MDGA2: variants seen among roughly 807,000 people sequenced by gnomAD.
The protein encoded by MDGA2 is MAM domain containing glycosylphosphatidylinositol anchor 2, also known as MAM domain-containing glycosylphosphatidylinositol anchor protein 2.
Under a neutral mutation model 117.8 loss-of-function variants are expected in MDGA2, and 40 were observed. That is an observed-to-expected ratio of 0.34 (90% CI 0.26 to 0.44). The LOEUF (loss-of-function observed/expected upper bound fraction) is 0.44. Ranked by LOEUF, MDGA2 falls within the 20% of genes least tolerant of loss-of-function variation. The pLI is 1.00. For synonymous variants in MDGA2, 452 were observed against 439.0 expected, an observed-to-expected ratio of 1.03 and a Z score of -0.37; for missense variants, 1,123 against 1,250.6, an observed-to-expected ratio of 0.90 and a Z score of 1.54.
At chr14:46,920,937 T>C (rs1317532467) in intron 9 of MDGA2, among the ~76,000 whole-genome samples, 1 of 152,184 alleles carries the variant, frequency 6.6e-6, no homozygotes, top group Non-Finnish European at 1.5e-5. Flanking sequence ...TTTAGATTTT[T>C]AAAGAAATGT....
intron 3 of MDGA2, among the ~76,000 whole-genome samples, chr14:47,177,612 G>T (rs1202404109): frequency 6.6e-6 from 1 of 152,120 alleles, no homozygotes; most frequent in Non-Finnish European, 1.5e-5. Context: ...AGAACACATG[G>T]ACACAGGAAG....
At chr14:47,653,197 A>T (rs1366743713) in intron 1 of MDGA2, among the ~76,000 whole-genome samples, 2 of 152,154 alleles carry the variant, frequency 1.3e-5, no homozygotes, top group Admixed American at 1.3e-4. Flanking sequence ...TCTATGGAAC[A>T]CAAAAAACTC....
At chr14:47,429,668 A>G (rs1228806139) in intron 1 of MDGA2, among the ~76,000 whole-genome samples, 1 of 152,044 alleles carries the variant, frequency 6.6e-6, no homozygotes, top group East Asian at 1.9e-4. Context: ...TTCACTTATT[A>G]ATCATGATGT....
chr14:47,235,560 A>T (rs1886830655), intron 2 of MDGA2, among the ~76,000 whole-genome samples: 1 of 152,190 alleles, frequency 6.6e-6, no homozygotes, highest in Admixed American at 6.5e-5. Flanking sequence ...TGAAGCAAGG[A>T]TTAGAGTACT....
intron 1 of MDGA2, among the ~76,000 whole-genome samples, chr14:47,535,177 C>A (rs927979846): frequency 1.3e-5 from 2 of 151,998 alleles, no homozygotes; most frequent in Admixed American, 1.3e-4. Flanking sequence ...CAGCTATGTA[C>A]ATTCCATTTA....
At chr14:47,490,217 G>C (rs1446501659) in intron 1 of MDGA2, among the ~76,000 whole-genome samples, 1 of 151,982 alleles carries the variant, frequency 6.6e-6, no homozygotes, top group Non-Finnish European at 1.5e-5. Context: ...TTGCATTCTA[G>C]TTTTCTGTGC....
chr14:46,939,216 T>C (rs1055517898), intron 9 of MDGA2, among the ~76,000 whole-genome samples: 8 of 152,146 alleles, frequency 5.3e-5, no homozygotes, highest in East Asian at 1.9e-4. Flanking sequence ...AGGATGACTA[T>C]AGTTTACAAT....
intron 1 of MDGA2, among the ~76,000 whole-genome samples, chr14:47,644,919 A>G (rs907336431): frequency 4.6e-5 from 7 of 152,134 alleles, no homozygotes; most frequent in Non-Finnish European, 1.0e-4. Context: ...AGAGCAGGAG[A>G]AAGATTTGAA....
chr14:46,984,574 A>G (rs978627427), intron 8 of MDGA2, among the ~76,000 whole-genome samples: 1 of 151,976 alleles, frequency 6.6e-6, no homozygotes, highest in Non-Finnish European at 1.5e-5. Context: ...AGCTGTCCCC[A>G]TTACATTTCT....
intron 3 of MDGA2, among the ~76,000 whole-genome samples, chr14:47,151,697 TTA>T (rs1883170326): frequency 6.6e-6 from 1 of 151,892 alleles, no homozygotes; most frequent in Non-Finnish European, 1.5e-5. Context: ...TGTATGATTT[TTA>T]TTATTAAACT....
intron 1 of MDGA2, among the ~76,000 whole-genome samples, chr14:47,554,244 C>G (rs141248130): frequency 4.5e-4 from 68 of 152,218 alleles, no homozygotes; most frequent in Middle Eastern, 6.8e-3. Context: ...AGTAGTTTGT[C>G]TCTGTTTTAT....
At chr14:47,646,385 T>C (rs1178574915) in intron 1 of MDGA2, among the ~76,000 whole-genome samples, 1 of 152,054 alleles carries the variant, frequency 6.6e-6, no homozygotes, top group Non-Finnish European at 1.5e-5. Context: ...TATAGATGCA[T>C]ATATATTATA....
chr14:46,935,033 A>T (rs1358959929), intron 9 of MDGA2, among the ~76,000 whole-genome samples: 1 of 148,930 alleles, frequency 6.7e-6, no homozygotes, highest in Non-Finnish European at 1.5e-5. Flanking sequence ...GTCAGAATTT[A>T]AAAAAAAAAA....
intron 1 of MDGA2, among the ~76,000 whole-genome samples, chr14:47,594,444 A>G (rs1344410037): frequency 6.6e-6 from 1 of 152,212 alleles, no homozygotes; most frequent in African/African-American, 2.4e-5. Flanking sequence ...AGCTTCATGT[A>G]CAGATTTCTC....
At chr14:47,001,419 C>T (rs1457321783) in intron 8 of MDGA2, among the ~76,000 whole-genome samples, 1 of 151,814 alleles carries the variant, frequency 6.6e-6, no homozygotes, top group African/African-American at 2.4e-5. Flanking sequence ...GAAAACAATT[C>T]GAGGACCAAA....
chr14:46,883,144 G>A (rs1480374311), intron 10 of MDGA2, among the ~76,000 whole-genome samples: 1 of 151,862 alleles, frequency 6.6e-6, no homozygotes, highest in Non-Finnish European at 1.5e-5. Context: ...AACCAAAAAG[G>A]ATGGTACAAG....
chr14:47,524,811 G>C (rs1049327682), intron 1 of MDGA2, among the ~76,000 whole-genome samples: 4 of 152,272 alleles, frequency 2.6e-5, no homozygotes, highest in Admixed American at 2.0e-4. Flanking sequence ...CCTTCCATGA[G>C]GTGGGTCTTC....
chr14:46,844,522 A>C (rs1426384372), intron 16 of MDGA2, among the ~76,000 whole-genome samples: 1 of 152,144 alleles, frequency 6.6e-6, no homozygotes, highest in Non-Finnish European at 1.5e-5. Context: ...CGGAGATTGC[A>C]GTGAGCAGAG....
At chr14:46,974,303 A>T (rs1484853877) in intron 8 of MDGA2, among the ~76,000 whole-genome samples, 1 of 152,136 alleles carries the variant, frequency 6.6e-6, no homozygotes, top group Non-Finnish European at 1.5e-5. Context: ...AACTACCCAA[A>T]GACGTATGCA....
Sources: allele counts gnomAD v4.1 joint callset (sites outside exome capture counted in the v4.1 genomes callset), GRCh38; gene constraint gnomAD v4.1.1; transcripts MANE v1.5; gene names NCBI Gene and HGNC (gene_info 2026-07-23, HGNC 2026-07-21).